Variants in BRIP1 observed in about 807,000 individuals in gnomAD.
BRIP1 encodes BRCA1 interacting DNA helicase 1.
Under a neutral mutation model 119.7 loss-of-function variants are expected in BRIP1, and 88 were observed. The observed-to-expected ratio is 0.74, with a 90% CI of 0.62 to 0.88. BRIP1 has a LOEUF of 0.88. Ranked by LOEUF, BRIP1 falls within the 40% of genes least tolerant of loss-of-function variation. The probability of loss-of-function intolerance (pLI) is 0.00; values close to 1 mark genes in which losing one functional copy is unlikely to be tolerated. For missense variants in BRIP1, 1,259 were observed against 1,455.4 expected (o/e 0.87, Z 2.20); for synonymous variants, 443 against 496.5 (o/e 0.89, Z 1.43).
chr17:61,821,306 T>A (rs79291822), intron 6 of BRIP1, among the ~76,000 whole-genome samples: 352 of 152,162 alleles, frequency 2.3e-3, no homozygotes, highest in Non-Finnish European at 3.5e-3. Context: ...GAAGGAGAGG[T>A]ACTTTCCATT....
Position 61,808,994 on chromosome 17 carries a change from C to A in BRIP1, c.628-237G>T, listed in dbSNP as rs2078123183. ...ATTTCCAAATTTGCATTCTTTCCAA[C>A]ATACCACTCTAACTCTCCAATTCCA... On this transcript the variant is annotated intron_variant, in intron 6 of 19. Transcript: ENST00000259008. The surrounding 1 kb of genome is among the most constrained non-coding windows in gnomAD (Gnocchi z 4.1). Among the ~76,000 whole-genome samples the A allele has an allele frequency of 6.6e-6, 1 of 152,160 alleles. No individual in the cohort carries two copies. The highest frequency in any genetic ancestry group is 1.5e-5 in the Non-Finnish European group (1 of 68,022).
At chr17:61,790,651 T>C (rs540860303) in intron 10 of BRIP1, among the ~76,000 whole-genome samples, 1 of 152,106 alleles carries the variant, frequency 6.6e-6, no homozygotes, top group South Asian at 2.1e-4. Flanking sequence ...ATCCTTTTCT[T>C]TTTTTTTAAA....
Position 61,814,545 on chromosome 17 carries a change from A to G in BRIP1, c.628-5788T>C, listed in dbSNP as rs1292587824. Among the ~76,000 whole-genome samples the G allele has an allele frequency of 2.0e-5, 3 of 152,078 alleles. No individual in the cohort carries two copies. Among genetic ancestry groups the G allele is most frequent in the Non-Finnish European group, 4.4e-5 (3 of 67,944 alleles). On this transcript the variant is annotated intron_variant, in intron 6 of 19. Transcript: ENST00000259008. This position sits in a 1 kb window ranked among gnomAD's most constrained non-coding sequence, Gnocchi z 4.9. Reference sequence around the variant, plus strand: ...AGTAATTAGGAAAATGCAAATTAAAACCATAATTAGATTCCATTTCCTATC... The same window carrying G: ...AGTAATTAGGAAAATGCAAATTAAAGCCATAATTAGATTCCATTTCCTATC...
chr17:61,723,364 T>C (rs1307583908), intron 16 of BRIP1, among the ~76,000 whole-genome samples: 1 of 152,212 alleles, frequency 6.6e-6, no homozygotes, highest in Non-Finnish European at 1.5e-5. Flanking sequence ...AGGCATGCTT[T>C]CCAAACAAAT....
At chr17:61,859,049 C>CAA (rs34782273) in intron 3 of BRIP1, among the ~76,000 whole-genome samples, 13 of 45,052 alleles carry the variant, frequency 2.9e-4, no homozygotes, top group East Asian at 1.4e-3. Context: ...TGACGCCACT[C>CAA]AAAAAAAAAA....
rs573588916 is a variant in BRIP1, at chr17:61,767,739, T to C, written c.2097+8662A>G. Among the ~76,000 whole-genome samples, 1 of 152,290 alleles carries C rather than the reference T, an allele frequency of 6.6e-6. No homozygotes were observed. Among genetic ancestry groups the C allele is most frequent in the Non-Finnish European group, 1.5e-5 (1 of 68,018 alleles). On this transcript the variant is annotated intron_variant, in intron 14 of 19. Transcript: ENST00000259008. The surrounding 1 kb of genome is among the most constrained non-coding windows in gnomAD (Gnocchi z 5.7). Reference sequence around the variant, plus strand: ...GTCACCGCACCTGGCCCTTATCCTATGTTTCTTTTATGAAACTCTGCAACC... The same window carrying C: ...GTCACCGCACCTGGCCCTTATCCTACGTTTCTTTTATGAAACTCTGCAACC...
Position 61,849,119 on chromosome 17 carries a change from C to T in BRIP1, c.507+10G>A, listed in dbSNP as rs1057523376. 12 of 1,613,408 alleles carry T rather than the reference C, an allele frequency of 7.4e-6. No homozygotes were observed. In the East Asian group the frequency reaches 2.0e-4, roughly 27 times the overall value. The stretch of plus-strand genomic sequence containing the variant: ...AACTGGGTTATTTACTGCCAATAAA[C>T]TCTGTTTACCTGCTGTGTAGTTTCT... On this transcript the variant is annotated intron_variant, in intron 5 of 19. Transcript: ENST00000259008.
rs1457628824 is a variant in BRIP1 at position 61,804,030 on chromosome 17, A to G, written c.919-2556T>C. On this transcript the variant is annotated intron_variant, in intron 7 of 19. Transcript: ENST00000259008. The surrounding 1 kb of genome is among the most constrained non-coding windows in gnomAD (Gnocchi z 4.5). ...TTGAATAACGTGTATAGAATGATTAAATTCATGTAAATTGCTTTTTTAAAG... is the reference window on the plus strand; with the variant it reads ...TTGAATAACGTGTATAGAATGATTAGATTCATGTAAATTGCTTTTTTAAAG... Among the ~76,000 whole-genome samples, 2 of 152,142 alleles carry G rather than the reference A, an allele frequency of 1.3e-5. No homozygotes were observed. Among genetic ancestry groups the G allele is most frequent in the Admixed American group, 6.5e-5 (1 of 15,282 alleles).
intron 16 of BRIP1, among the ~76,000 whole-genome samples, chr17:61,732,163 T>C (rs2076856669): frequency 6.6e-6 from 1 of 151,460 alleles, no homozygotes; most frequent in South Asian, 2.1e-4. Flanking sequence ...GTATTTTTAG[T>C]AGAGAGAGAG....
In BRIP1 at chr17:61,828,563, C is replaced by A. The variant is rs1046478998; in HGVS notation, c.627+18538G>T. 6.6e-6 allele frequency among the ~76,000 whole-genome samples: 1 copy of A among 151,076 alleles called. No homozygotes were observed. The highest frequency in any genetic ancestry group is 2.4e-5 in the African/African-American group (1 of 41,024). On this transcript the variant is annotated intron_variant, in intron 6 of 19. Transcript: ENST00000259008. This position sits in a 1 kb window ranked among gnomAD's most constrained non-coding sequence, Gnocchi z 4.1. Reference sequence around the variant, plus strand: ...AAATTTTATGTTATATATATTTTACCATTAAAAACATGAAGGTAAGAAAAA... The same window carrying A: ...AAATTTTATGTTATATATATTTTACAATTAAAAACATGAAGGTAAGAAAAA...
rs1365941190 is a variant in BRIP1, at chr17:61,760,950, A to C, written c.2097+15451T>G. On this transcript the variant is annotated intron_variant, in intron 14 of 19. Transcript: ENST00000259008. This position sits in a 1 kb window ranked among gnomAD's most constrained non-coding sequence, Gnocchi z 4.6. Reference sequence around the variant, plus strand: ...TACCAAGGCCAGATAAGGACAATACAAGAAAAGAAAACTGTAGGCCAATAT... The same window carrying C: ...TACCAAGGCCAGATAAGGACAATACCAGAAAAGAAAACTGTAGGCCAATAT... Among the ~76,000 whole-genome samples, 1 of 152,054 alleles carries C rather than the reference A, an allele frequency of 6.6e-6. No homozygotes were observed. Among genetic ancestry groups the C allele is most frequent in the Non-Finnish European group, 1.5e-5 (1 of 67,922 alleles).
chr17:61,786,950 A>AAT (rs2077725144), intron 10 of BRIP1, among the ~76,000 whole-genome samples: 1 of 104,306 alleles, frequency 9.6e-6, no homozygotes, highest in Non-Finnish European at 1.7e-5. Flanking sequence ...ATTTATATAT[A>AAT]ATATATTTAT....
Position 61,839,011 on chromosome 17 carries a change from G to T in BRIP1, c.627+8090C>A, listed in dbSNP as rs868675107. On this transcript the variant is annotated intron_variant, in intron 6 of 19. Transcript: ENST00000259008. ...AAAATACTTTTATGATTTATAATAA[G>T]TCACTTTGCAAAGACTAAGAAATGT... Among the ~76,000 whole-genome samples, 9 of 151,930 alleles carry T rather than the reference G, an allele frequency of 5.9e-5. No homozygotes were observed. Among genetic ancestry groups the T allele is most frequent in the Non-Finnish European group, 1.0e-4 (7 of 67,960 alleles).
chr17:61,765,262 C>T (rs2077334401), intron 14 of BRIP1, among the ~76,000 whole-genome samples: 1 of 149,276 alleles, frequency 6.7e-6, no homozygotes, highest in African/African-American at 2.5e-5. Context: ...ATCTTAACTT[C>T]TCTGCCTTTA....
chr17:61,760,634 G>A lies in BRIP1; in HGVS notation c.2097+15767C>T, dbSNP rs1174726555. ...TACCACAGAAATACAAAGGATCAAAGTGACTATTACAATTATATGCCAACA... is the reference window on the plus strand; with the variant it reads ...TACCACAGAAATACAAAGGATCAAAATGACTATTACAATTATATGCCAACA... On this transcript the variant is annotated intron_variant, in intron 14 of 19. Transcript: ENST00000259008. This position sits in a 1 kb window ranked among gnomAD's most constrained non-coding sequence, Gnocchi z 4.6. Among the ~76,000 whole-genome samples, 2 of 151,890 alleles carry A rather than the reference G, an allele frequency of 1.3e-5. No homozygotes were observed. Among genetic ancestry groups the A allele is most frequent in the African/African-American group, 2.4e-5 (1 of 41,418 alleles).
In BRIP1 at chr17:61,769,296, G is replaced by A. The variant is rs1363363459; in HGVS notation, c.2097+7105C>T. ...TGTACTGTTTTACGGTGCTAATTTT[G>A]TGGTAATTTGTTATGCAGCAACATA... On this transcript the variant is annotated intron_variant, in intron 14 of 19. Transcript: ENST00000259008. This position sits in a 1 kb window ranked among gnomAD's most constrained non-coding sequence, Gnocchi z 4.9. 6.6e-6 allele frequency among the ~76,000 whole-genome samples: 1 copy of A among 152,142 alleles called. No individual in the cohort carries two copies. The highest frequency in any genetic ancestry group is 1.5e-5 in the Non-Finnish European group (1 of 68,028).
Position 61,683,189 on chromosome 17 carries a change from G to GTTTTTTAAAA in BRIP1, c.*97_*106dup. ...CATTTACATTTCTGAACATAAAATAGTTTTTTAAAAAGTATGCCACTTATT... is the reference window on the plus strand; with the variant it reads ...CATTTACATTTCTGAACATAAAATAGTTTTTTAAAATTTTTTAAAAAGTATGCCACTTATT... On this transcript the variant is annotated 3_prime_UTR_variant, in exon 20 of 20. Transcript: ENST00000259008. The surrounding 1 kb of genome is among the most constrained non-coding windows in gnomAD (Gnocchi z 4.7). 7.6e-7 allele frequency: 1 copy of GTTTTTTAAAA among 1,314,410 alleles called. No individual in the cohort carries two copies. The highest frequency in any genetic ancestry group is 1.3e-5 in the South Asian group (1 of 75,174). 81.4% of individuals were successfully genotyped at this position (1,314,410 alleles called of 1,614,324 possible).
rs180933526 is a variant in BRIP1, at chr17:61,703,967, C to A, written c.2493-10455G>T. Among the ~76,000 whole-genome samples, 5 of 152,252 alleles carry A rather than the reference C, an allele frequency of 3.3e-5. No homozygotes were observed. Among genetic ancestry groups the A allele is most frequent in the Admixed American group, 3.3e-4 (5 of 15,290 alleles). ...TTTAGAACAGTATTTCCTAGGTTTT[C>A]TTCTAGGATTTTTATAGTTTGAGGT... On this transcript the variant is annotated intron_variant, in intron 17 of 19. Coordinates refer to ENST00000259008, the MANE Select transcript of BRIP1 (RefSeq NM_032043.3). This position sits in a 1 kb window ranked among gnomAD's most constrained non-coding sequence, Gnocchi z 5.0.
At chr17:61,813,757 T>G (rs925590846) in intron 6 of BRIP1, among the ~76,000 whole-genome samples, 2 of 152,046 alleles carry the variant, frequency 1.3e-5, no homozygotes, top group Admixed American at 1.3e-4. Flanking sequence ...ATTCATTGAC[T>G]CAAGAGACAT....
Sources: allele counts gnomAD v4.1 joint callset (sites outside exome capture counted in the v4.1 genomes callset), GRCh38; gene constraint gnomAD v4.1.1; non-coding constraint Gnocchi (gnomAD v3.1); transcripts MANE v1.5; gene names NCBI Gene and HGNC (gene_info 2026-07-23, HGNC 2026-07-21).